The following AKT2 variants were observed in gnomAD, a reference collection of about 807,000 sequenced individuals.
AKT2 encodes RAC-beta serine/threonine-protein kinase.
AKT2 carries 16 observed loss-of-function variants against 58.6 expected under a neutral mutation model. That is an observed-to-expected ratio of 0.27 (90% CI 0.18 to 0.41). The LOEUF is 0.41. Among genes scored for constraint, AKT2 ranks in the 10% least tolerant of loss-of-function variants. The pLI is 1.00. For synonymous variants in AKT2, 253 were observed against 254.0 expected (o/e 1.00, Z 0.04); for missense variants, 438 against 661.0 (o/e 0.66, Z 3.70).
Position 40,238,051 on chromosome 19 carries a change from T to C in AKT2, c.749A>G (p.Glu250Gly), listed in dbSNP as rs1974141412. ...HLSRERVFTE[E>G]RARFYGAEIV... ...CTCTGCACCATAAAACCGGGCCCGCTCCTCTGTGAAGACACGCTCCCGGGA... is the reference window on the plus strand; with the variant it reads ...CTCTGCACCATAAAACCGGGCCCGCCCCTCTGTGAAGACACGCTCCCGGGA... The change falls in exon 9 of 14, where the codon GAG (glutamate) becomes GGG (glycine). Residue 250 changes from glutamate to glycine, a missense_variant. By Grantham distance (98) the Glu-to-Gly change is moderately conservative (BLOSUM62 -2). This residue lies in a region of AKT2 where 244 missense variants were observed against 347.1 expected (regional missense o/e 0.70). Transcript: ENST00000392038. The surrounding 1 kb of genome is among the most constrained non-coding windows in gnomAD (Gnocchi z 5.1). 6.2e-7 allele frequency: 1 copy of C among 1,607,622 alleles called. No individual in the cohort carries two copies. Among genetic ancestry groups the C allele is most frequent in the East Asian group, 2.2e-5 (1 of 44,678 alleles).
intron 1 of AKT2, among the ~76,000 whole-genome samples, chr19:40,275,775 G>GGC (rs2077307912): frequency 2.1e-5 from 2 of 95,880 alleles, no homozygotes. Flanking sequence ...GGGGGGGGGG[G>GGC]GGGTGGGCGG....
intron 4 of AKT2, chr19:40,244,509 G>C (rs1974625656): frequency 6.6e-6 from 1 of 152,014 alleles, no homozygotes; most frequent in Admixed American, 6.5e-5. Context: ...AAATATATTA[G>C]GCTGAATTAC....
intron 1 of AKT2, among the ~76,000 whole-genome samples, chr19:40,275,643 C>T (rs565977931): frequency 6.6e-6 from 1 of 151,944 alleles, no homozygotes; most frequent in African/African-American, 2.4e-5. Flanking sequence ...TGAATGATGG[C>T]TAGTGCAACT....
At chr19:40,240,170 C>T (rs780954250) in intron 6 of AKT2, 60 bp from the exon 7 acceptor site, 40 of 1,535,918 alleles carry the variant, frequency 2.6e-5, no homozygotes, top group South Asian at 1.9e-4. Flanking sequence ...CACTCCGCCC[C>T]GACGAAGGGG....
chr19:40,235,533 TC>T lies in AKT2; in HGVS notation c.1176-184del. The stretch of plus-strand genomic sequence containing the variant: ...CGTGCCCAGGGTCAGAGCCAGGGAG[TC>T]AGCAACCCGGACCCACGTGTCCTCA... On this transcript the variant is annotated intron_variant, in intron 11 of 13. Coordinates refer to ENST00000392038, the MANE Select transcript of AKT2 (RefSeq NM_001626.6). The surrounding 1 kb of genome is among the most constrained non-coding windows in gnomAD (Gnocchi z 6.3). 1 of 684,728 alleles carries T rather than the reference TC, an allele frequency of 1.5e-6. No individual in the cohort carries two copies. Among genetic ancestry groups the T allele is most frequent in the Non-Finnish European group, 2.6e-6 (1 of 385,932 alleles). 42.4% of individuals were successfully genotyped at this position (684,728 alleles called of 1,614,324 possible).
At chr19:40,260,233 G>GA (rs940534774) in intron 2 of AKT2, among the ~76,000 whole-genome samples, 9 of 150,452 alleles carry the variant, frequency 6.0e-5, no homozygotes, top group South Asian at 2.1e-4. Flanking sequence ...TGGCTGTAAT[G>GA]AAAAAAAAAC....
At chr19:40,273,885 C>CTATGT (rs1568570422) in intron 1 of AKT2, among the ~76,000 whole-genome samples, 2 of 152,062 alleles carry the variant, frequency 1.3e-5, no homozygotes, top group African/African-American at 4.8e-5. Flanking sequence ...CCATGGATCA[C>CTATGT]GTCCAAGGCC....
intron 3 of AKT2, among the ~76,000 whole-genome samples, chr19:40,256,227 T>C (rs1975532787): frequency 6.6e-6 from 1 of 152,080 alleles, no homozygotes; most frequent in South Asian, 2.1e-4. Flanking sequence ...AAAGGCTTCA[T>C]GCAGAGCAGC....
intron 2 of AKT2, among the ~76,000 whole-genome samples, chr19:40,257,279 T>C (rs1975606293): frequency 6.6e-6 from 1 of 152,200 alleles, no homozygotes; most frequent in African/African-American, 2.4e-5. Flanking sequence ...AGGTCATGCC[T>C]GGCAGGAAGG....
intron 7 of AKT2, chr19:40,239,778 G>A: frequency 1.5e-6 from 1 of 659,208 alleles, no homozygotes; most frequent in Non-Finnish European, 2.8e-6. Context: ...AGAGACAGCA[G>A]CCAGCAAATA....
rs746045442 is a variant in AKT2 at position 40,242,001 on chromosome 19, C to G, written c.510G>C (p.Arg170=). 2 of 1,614,248 alleles carry G rather than the reference C, an allele frequency of 1.2e-6. No homozygotes were observed. Among genetic ancestry groups the G allele is most frequent in the Non-Finnish European group, 1.7e-6 (2 of 1,180,050 alleles). ...KGTFGKVILV[R]EKATGRYYAM... ...CGTAGTAGCGGCCAGTGGCCTTCTCCCGCACCAGGATGACTTTGCCAAAGG... is the reference window on the plus strand; with the variant it reads ...CGTAGTAGCGGCCAGTGGCCTTCTCGCGCACCAGGATGACTTTGCCAAAGG... Residue 170 remains arginine, a synonymous_variant, in exon 6 of 14, where the codon CGG becomes CGC. Coordinates refer to ENST00000392038, the MANE Select transcript of AKT2 (RefSeq NM_001626.6). This position sits in a 1 kb window ranked among gnomAD's most constrained non-coding sequence, Gnocchi z 4.3.
chr19:40,233,765 A>T lies in AKT2; in HGVS notation c.*107T>A. 1 of 780,816 alleles carries T rather than the reference A, an allele frequency of 1.3e-6. No individual in the cohort carries two copies. Among genetic ancestry groups the T allele is most frequent in the Non-Finnish European group, 1.8e-6 (1 of 548,788 alleles). The allele number at this position is 780,816 out of a possible 1,614,324, so 48.4% of individuals were successfully genotyped here. ...AAGAAGAACTGGAAAGGGGGTGAGGAGGTGGGGGTGGGGACACAAACCAAA... is the reference window on the plus strand; with the variant it reads ...AAGAAGAACTGGAAAGGGGGTGAGGTGGTGGGGGTGGGGACACAAACCAAA... On this transcript the variant is annotated 3_prime_UTR_variant, in exon 14 of 14. Transcript: ENST00000392038. The surrounding 1 kb of genome is among the most constrained non-coding windows in gnomAD (Gnocchi z 4.3).
rs1414162689 is a variant in AKT2, at chr19:40,232,652, A to C, written c.*1220T>G. On this transcript the variant is annotated 3_prime_UTR_variant, in exon 14 of 14. Coordinates refer to ENST00000392038, the MANE Select transcript of AKT2 (RefSeq NM_001626.6). ...CAGCACCCCTCCCCCACAGGATGAA[A>C]TGCTCGGGCCAGGGATGGGGCCCAA... 3.9e-5 allele frequency: 9 copies of C among 233,174 alleles called. No homozygotes were observed. The highest frequency in any genetic ancestry group is 1.5e-4 in the African/African-American group (7 of 45,282). 14.4% of individuals were successfully genotyped at this position (233,174 alleles called of 1,614,324 possible). A position where few individuals can be genotyped will look rare whatever the true frequency, so the allele number is the denominator to read the frequency against.
chr19:40,235,019 C>T lies in AKT2; in HGVS notation c.1366+26G>A, dbSNP rs776921546. 6 of 1,602,418 alleles carry T rather than the reference C, an allele frequency of 3.7e-6. No individual in the cohort carries two copies. The South Asian group carries it at 5.5e-5, about 15-fold the overall frequency. On this transcript the variant is annotated intron_variant, in intron 13 of 13. Transcript: ENST00000392038. This position sits in a 1 kb window ranked among gnomAD's most constrained non-coding sequence, Gnocchi z 6.3. ...TCCCTCCACCCCTGGGGCAGGCACA[C>T]CAGCGCGGGGGCCCCAGGCACTCAC...
chr19:40,236,148 G>A, intron 10 of AKT2, 44 bp from the exon 11 acceptor site: 1 of 1,613,378 alleles, frequency 6.2e-7, no homozygotes, highest in African/African-American at 1.3e-5. Context: ...TGGCCCTGAG[G>A]CTGGCATCAC....
At chr19:40,248,614 C>T (rs186034600) in intron 4 of AKT2, among the ~76,000 whole-genome samples, 209 of 152,310 alleles carry the variant, frequency 1.4e-3, no homozygotes, top group Non-Finnish European at 2.5e-3. Context: ...GGAAAGGAAC[C>T]CAGGCAGAGG....
chr19:40,262,101 A>C (rs905744040), intron 2 of AKT2, among the ~76,000 whole-genome samples: 1 of 151,990 alleles, frequency 6.6e-6, no homozygotes, highest in Non-Finnish European at 1.5e-5. Flanking sequence ...TACTTTGGTA[A>C]CAAGCTAAGA....
At chr19:40,239,098 G>A in intron 7 of AKT2, 125 bp from the exon 8 acceptor site, 1 of 902,160 alleles carries the variant, frequency 1.1e-6, no homozygotes, top group Middle Eastern at 2.9e-4. Context: ...GGGCCCCCAG[G>A]AGTCAGCCAT....
chr19:40,258,808 T>C (rs1975737399), intron 2 of AKT2, among the ~76,000 whole-genome samples: 2 of 152,226 alleles, frequency 1.3e-5, no homozygotes, highest in Middle Eastern at 3.4e-3. Flanking sequence ...GAAGACAATA[T>C]TGTTAAGATG....
Sources: allele counts gnomAD v4.1 joint callset (sites outside exome capture counted in the v4.1 genomes callset), GRCh38; gene constraint gnomAD v4.1.1; regional missense constraint gnomAD v4.1.1; non-coding constraint Gnocchi (gnomAD v3.1); transcripts MANE v1.5; gene names NCBI Gene and HGNC (gene_info 2026-07-23, HGNC 2026-07-21).